The following CNTN4 variants were observed in gnomAD, a reference collection of about 807,000 sequenced individuals.
CNTN4 encodes contactin 4.
CNTN4 carries 77 observed loss-of-function variants against 122.5 expected under a neutral mutation model. That is an observed-to-expected ratio of 0.63 (90% CI 0.52 to 0.76). The LOEUF is 0.76. CNTN4 is among the 30% of genes least tolerant of loss of function. CNTN4 has a pLI of 0.00. For missense variants in CNTN4, 1,256 were observed against 1,259.1 expected (o/e 1.00, Z 0.04); for synonymous variants, 512 against 447.0 (o/e 1.15, Z -1.83).
At chr3:2,816,294 C>T (rs2092727615) in intron 6 of CNTN4, among the ~76,000 whole-genome samples, 1 of 148,458 alleles carries the variant, frequency 6.7e-6, no homozygotes, top group African/African-American at 2.6e-5. Context: ...GCAGAGCTTG[C>T]AATGAGCCGA....
intron 2 of CNTN4, among the ~76,000 whole-genome samples, chr3:2,193,347 A>G (rs2037677584): frequency 6.6e-6 from 1 of 151,898 alleles, no homozygotes; most frequent in Non-Finnish European, 1.5e-5. Flanking sequence ...TTGAAGGAGA[A>G]GGAAAAAAAA....
intron 3 of CNTN4, among the ~76,000 whole-genome samples, chr3:2,403,942 A>C (rs146037541): frequency 2.6e-5 from 4 of 152,314 alleles, no homozygotes; most frequent in African/African-American, 7.2e-5. Context: ...TTTGAAACCC[A>C]TGGAACTACA....
intron 2 of CNTN4, among the ~76,000 whole-genome samples, chr3:2,172,332 A>G (rs190139469): frequency 1.3e-3 from 204 of 152,290 alleles, no homozygotes; most frequent in Middle Eastern, 3.4e-3. Flanking sequence ...GTTCTCACTT[A>G]TAAGTGGGAG....
chr3:2,888,684 A>G (rs1370063776), intron 10 of CNTN4, among the ~76,000 whole-genome samples: 1 of 152,014 alleles, frequency 6.6e-6, no homozygotes, highest in Non-Finnish European at 1.5e-5. Context: ...ATATAAATTC[A>G]TGGCTTCTGT....
At chr3:3,046,203 T>C (rs1700629090) in intron 23 of CNTN4, among the ~76,000 whole-genome samples, 1 of 152,238 alleles carries the variant, frequency 6.6e-6, no homozygotes, top group South Asian at 2.1e-4. Flanking sequence ...GAAAACACTC[T>C]GCAGGATATT....
intron 13 of CNTN4, among the ~76,000 whole-genome samples, chr3:2,937,717 A>G (rs150947765): frequency 9.8e-5 from 15 of 152,354 alleles, no homozygotes; most frequent in African/African-American, 1.9e-4. Flanking sequence ...TAGTCCAAAC[A>G]GAATCCACAG....
intron 7 of CNTN4, among the ~76,000 whole-genome samples, chr3:2,847,231 C>T (rs1212430085): frequency 6.6e-6 from 1 of 151,618 alleles, no homozygotes. Flanking sequence ...GGCACCCATC[C>T]CCTTAGAGGT....
At chr3:2,993,519 C>T (rs1411158436) in intron 14 of CNTN4, among the ~76,000 whole-genome samples, 1 of 151,788 alleles carries the variant, frequency 6.6e-6, no homozygotes, top group Non-Finnish European at 1.5e-5. Flanking sequence ...AGGCTGGTTT[C>T]GAACTCCTGA....
chr3:2,164,232 A>G (rs1574974465), intron 2 of CNTN4, among the ~76,000 whole-genome samples: 1 of 150,120 alleles, frequency 6.7e-6, no homozygotes, highest in Non-Finnish European at 1.5e-5. Flanking sequence ...TTGCTTGAGG[A>G]AAAAAAAAAC....
chr3:2,829,081 G>A (rs2093046565), intron 7 of CNTN4, among the ~76,000 whole-genome samples: 1 of 152,126 alleles, frequency 6.6e-6, no homozygotes, highest in Admixed American at 6.6e-5. Context: ...GTTGCCTCTT[G>A]ACTGTGTTCC....
intron 10 of CNTN4, among the ~76,000 whole-genome samples, chr3:2,897,483 T>C (rs1431352265): frequency 6.6e-6 from 1 of 152,122 alleles, no homozygotes; most frequent in Non-Finnish European, 1.5e-5. Context: ...AATAATAGTA[T>C]TGAACTAACC....
In CNTN4 at chr3:2,914,024, T is replaced by A. The variant is rs192759679; in HGVS notation, c.1207+11019T>A. Among the ~76,000 whole-genome samples, 537 of 152,192 alleles carry A rather than the reference T, an allele frequency of 3.5e-3. 2 individuals are homozygous for A. The highest frequency in any genetic ancestry group is 0.012 in the African/African-American group (516 of 41,520). On this transcript the variant is annotated intron_variant, in intron 12 of 24. Coordinates refer to ENST00000418658, the MANE Select transcript of CNTN4 (RefSeq NM_175607.3). Reference sequence around the variant, plus strand: ...AGGAAAAACGGGAAATCCACAAATATGTAAAAATTGAACAACTCATTCTTA... The same window carrying A: ...AGGAAAAACGGGAAATCCACAAATAAGTAAAAATTGAACAACTCATTCTTA...
At chr3:2,552,364 A>G (rs1289644376) in intron 3 of CNTN4, among the ~76,000 whole-genome samples, 2 of 152,228 alleles carry the variant, frequency 1.3e-5, no homozygotes, top group Admixed American at 1.3e-4. Flanking sequence ...AAGGTAAAAG[A>G]ATAAATTCTG....
chr3:2,126,591 GTGTTAGC>G (rs1559268277), intron 2 of CNTN4, among the ~76,000 whole-genome samples: 1 of 152,116 alleles, frequency 6.6e-6, no homozygotes, highest in Non-Finnish European at 1.5e-5. Context: ...GTGCTTGATG[GTGTTAGC>G]TCCTTAGCAC....
intron 3 of CNTN4, among the ~76,000 whole-genome samples, chr3:2,465,581 G>C (rs1272747636): frequency 1.3e-5 from 2 of 152,122 alleles, no homozygotes; most frequent in South Asian, 4.2e-4. Context: ...GGAGGCTGAG[G>C]CAGGAGAATT....
rs144497123 is a variant in CNTN4 at position 2,965,502 on chromosome 3, C to A, written c.1359-22843C>A. On this transcript the variant is annotated intron_variant, in intron 13 of 24. Coordinates refer to ENST00000418658, the MANE Select transcript of CNTN4 (RefSeq NM_175607.3). ...AAATTTTAATTTTCCTTAATTTTAA[C>A]GTTAAGTTTAAGTAGCCACATTTGC... is the stretch of plus-strand genomic sequence containing the variant. Among the ~76,000 whole-genome samples the A allele has an allele frequency of 2.0e-4, 30 of 152,304 alleles. No individual in the cohort carries two copies. The East Asian group carries it at 3.9e-3, about 20-fold the overall frequency.
At chr3:2,425,644 CT>C (rs2047797911) in intron 3 of CNTN4, among the ~76,000 whole-genome samples, 2 of 152,144 alleles carry the variant, frequency 1.3e-5, no homozygotes, top group South Asian at 4.1e-4. Context: ...GGCATTGAAT[CT>C]ATAAATTACC....
chr3:2,185,754 C>A (rs1240127450), intron 2 of CNTN4, among the ~76,000 whole-genome samples: 1 of 152,044 alleles, frequency 6.6e-6, no homozygotes, highest in Non-Finnish European at 1.5e-5. Flanking sequence ...GTTATTACAG[C>A]CCTTAGACTA....
At chr3:2,699,459 C>T (rs1373881770) in intron 4 of CNTN4, among the ~76,000 whole-genome samples, 1 of 152,178 alleles carries the variant, frequency 6.6e-6, no homozygotes, top group African/African-American at 2.4e-5. Context: ...ATGCAACTCA[C>T]TTGAACTTGT....
Sources: gnomAD v4.1 joint callset for allele counts (sites outside exome capture counted in the v4.1 genomes callset) on GRCh38, gnomAD v4.1.1 for gene constraint, MANE v1.5 for transcripts, NCBI Gene and HGNC (gene_info 2026-07-23, HGNC 2026-07-21) for gene names.